Variants in ELMOD1 observed in about 807,000 individuals in gnomAD.
The protein encoded by ELMOD1 is ELMO domain-containing protein 1.
Under a neutral mutation model 46.7 loss-of-function variants are expected in ELMOD1, and 21 were observed. That is an observed-to-expected ratio of 0.45 (90% CI 0.32 to 0.65). The LOEUF (loss-of-function observed/expected upper bound fraction) is 0.65. Among genes scored for constraint, ELMOD1 ranks in the 30% least tolerant of loss-of-function variants. The pLI is 0.04. For missense variants in ELMOD1, 348 were observed against 407.8 expected (o/e 0.85, Z 1.26); for synonymous variants, 122 against 138.2 (o/e 0.88, Z 0.82).
intron 5 of ELMOD1, 27 bp downstream of exon 5, chr11:107,631,704 A>T: frequency 7.7e-7 from 1 of 1,295,700 alleles, no homozygotes; most frequent in Non-Finnish European, 1.1e-6. Context: ...TATGTCAAAA[A>T]TACAGAACAC....
intron 11 of ELMOD1, among the ~76,000 whole-genome samples, chr11:107,661,427 A>AT (rs1203846216): frequency 2.0e-5 from 3 of 152,162 alleles, no homozygotes; most frequent in Non-Finnish European, 4.4e-5. Flanking sequence ...TTAAAAGATG[A>AT]TTTTTCATAT....
At chr11:107,644,468 T>G (rs1022693783) in intron 6 of ELMOD1, among the ~76,000 whole-genome samples, 14 of 152,000 alleles carry the variant, frequency 9.2e-5, no homozygotes, top group Middle Eastern at 3.4e-3. Flanking sequence ...GATATATATA[T>G]ATATACTTTT....
At chr11:107,645,149 G>C (rs893652649) in intron 6 of ELMOD1, among the ~76,000 whole-genome samples, 25 of 139,280 alleles carry the variant, frequency 1.8e-4, no homozygotes, top group African/African-American at 6.2e-4. Context: ...GCGTTAACCA[G>C]GATGGTCTCG....
chr11:107,591,666 G>A, intron 1 of ELMOD1: 1 of 364,420 alleles, frequency 2.7e-6, no homozygotes, highest in Non-Finnish European at 5.7e-6. Context: ...CTGCAGGTCG[G>A]CGCGAGAGGC....
At chr11:107,628,162 T>G (rs1565379294) in intron 2 of ELMOD1, among the ~76,000 whole-genome samples, 1 of 150,358 alleles carries the variant, frequency 6.7e-6, no homozygotes, top group Non-Finnish European at 1.5e-5. Flanking sequence ...CTGAGGGGTT[T>G]TTTTGTTTTG....
chr11:107,603,531 C>T (rs966415321), intron 1 of ELMOD1, among the ~76,000 whole-genome samples: 1 of 151,722 alleles, frequency 6.6e-6, no homozygotes, highest in Non-Finnish European at 1.5e-5. Flanking sequence ...AGAGCGAGAC[C>T]CTGTATTTAA....
intron 1 of ELMOD1, among the ~76,000 whole-genome samples, chr11:107,602,448 T>C (rs892356717): frequency 6.6e-6 from 1 of 152,212 alleles, no homozygotes; most frequent in Admixed American, 6.5e-5. Context: ...CTCTAGAATA[T>C]CTGTTACTTG....
At position 107,603,866 on chromosome 11, in the gene ELMOD1, A is replaced by G. The variant is rs529873823; in HGVS notation, c.-86+12457A>G. On this transcript the variant is annotated intron_variant, in intron 1 of 11. Transcript: ENST00000265840. ...GCACTCCAGCCTGGGTGACAAAGCTAGACCTTGTCTAAAAAAAAAAAAAGG... is the reference window on the plus strand; with the variant it reads ...GCACTCCAGCCTGGGTGACAAAGCTGGACCTTGTCTAAAAAAAAAAAAAGG... Among the ~76,000 whole-genome samples the G allele has an allele frequency of 7.0e-4, 106 of 151,420 alleles. 2 individuals are homozygous for G. The South Asian group carries it at 9.7e-3, about 14-fold the overall frequency.
Position 107,619,242 on chromosome 11 carries a change from A to C in ELMOD1, c.17+1036A>C, listed in dbSNP as rs541535572. On this transcript the variant is annotated intron_variant, in intron 2 of 11. Transcript: ENST00000265840. ...CTTCGAATTGTGAAAACCTCTCAGGAAGTTACTGTGAAACAATTTATAGTC... is the reference window on the plus strand; with the variant it reads ...CTTCGAATTGTGAAAACCTCTCAGGCAGTTACTGTGAAACAATTTATAGTC... Among the ~76,000 whole-genome samples, 4 of 152,286 alleles carry C rather than the reference A, an allele frequency of 2.6e-5. No individual in the cohort carries two copies. The South Asian group carries it at 6.2e-4, about 24-fold the overall frequency.
chr11:107,650,376 T>C lies in ELMOD1; in HGVS notation c.596T>C (p.Leu199Pro). Residue 199 changes from leucine to proline, a missense_variant, in exon 8 of 12, where the codon CTG becomes CCG. Coordinates refer to ENST00000265840, the MANE Select transcript of ELMOD1 (RefSeq NM_018712.4). Reference sequence around the variant, plus strand: ...GATGCCACAGCAGCTCAGCAGGTCCTGTCTGACTCTCTTCATCCGAAATGC... The same window carrying C: ...GATGCCACAGCAGCTCAGCAGGTCCCGTCTGACTCTCTTCATCCGAAATGC... ...ERDATAAQQV[L>P]SDSLHPKCRD... The C allele has an allele frequency of 6.3e-7, 1 of 1,592,916 alleles. No homozygotes were observed. The highest frequency in any genetic ancestry group is 1.3e-5 in the African/African-American group (1 of 74,722).
chr11:107,612,282 AC>A (rs748946004), intron 1 of ELMOD1, among the ~76,000 whole-genome samples: 4 of 152,164 alleles, frequency 2.6e-5, no homozygotes, highest in Non-Finnish European at 5.9e-5. Context: ...AGATGTTCTC[AC>A]TTATAGGTGG....
intron 1 of ELMOD1, among the ~76,000 whole-genome samples, chr11:107,599,096 G>A (rs1279875034): frequency 6.6e-6 from 1 of 152,186 alleles, no homozygotes; most frequent in African/African-American, 2.4e-5. Context: ...CTAGTGCTAT[G>A]AGGACAAGTA....
intron 1 of ELMOD1, among the ~76,000 whole-genome samples, chr11:107,599,792 A>G (rs912272380): frequency 6.6e-6 from 1 of 151,142 alleles, no homozygotes; most frequent in South Asian, 2.1e-4. Context: ...GTATCCTAAC[A>G]GCATACTGGG....
intron 1 of ELMOD1, among the ~76,000 whole-genome samples, chr11:107,594,169 G>A (rs1180164890): frequency 6.6e-6 from 1 of 151,982 alleles, no homozygotes; most frequent in Non-Finnish European, 1.5e-5. Context: ...CCTAGAAGAG[G>A]CACTGAATTA....
intron 1 of ELMOD1, among the ~76,000 whole-genome samples, chr11:107,598,607 A>G (rs1865535130): frequency 6.6e-6 from 1 of 152,220 alleles, no homozygotes; most frequent in Non-Finnish European, 1.5e-5. Flanking sequence ...AAAGTGCCAG[A>G]TGGTTCCTTT....
intron 6 of ELMOD1, among the ~76,000 whole-genome samples, chr11:107,644,217 A>G (rs1208396664): frequency 6.6e-6 from 1 of 151,982 alleles, no homozygotes; most frequent in East Asian, 2.0e-4. Context: ...AATCCCTTGT[A>G]CCCAGGAAGC....
chr11:107,601,650 A>C (rs1278450664), intron 1 of ELMOD1, among the ~76,000 whole-genome samples: 1 of 152,024 alleles, frequency 6.6e-6, no homozygotes, highest in Non-Finnish European at 1.5e-5. Context: ...TTCTGGGCTC[A>C]AACGATCCAC....
At chr11:107,604,136 C>T (rs772130711) in intron 1 of ELMOD1, among the ~76,000 whole-genome samples, 14 of 152,156 alleles carry the variant, frequency 9.2e-5, no homozygotes, top group African/African-American at 3.4e-4. Context: ...AAGTGCTAAT[C>T]ACTCCAGACA....
At chr11:107,633,012 T>C (rs1001506876) in intron 5 of ELMOD1, among the ~76,000 whole-genome samples, 2 of 152,212 alleles carry the variant, frequency 1.3e-5, no homozygotes, top group African/African-American at 4.8e-5. Context: ...CATCTATTAT[T>C]AAAAATGTTG....
Sources: allele counts gnomAD v4.1 joint callset (sites outside exome capture counted in the v4.1 genomes callset), GRCh38; gene constraint gnomAD v4.1.1; transcripts MANE v1.5; gene names NCBI Gene and HGNC (gene_info 2026-07-23, HGNC 2026-07-21).